The following TMEM217 variants were observed in gnomAD, a reference collection of about 807,000 sequenced individuals.
TMEM217 encodes the protein transmembrane protein 217.
For synonymous variants in TMEM217, 76 were observed against 88.3 expected (o/e 0.86, Z 0.78); for missense variants, 204 against 248.8 (o/e 0.82, Z 1.21).
downstream of TMEM217, among the ~76,000 whole-genome samples, chr6:37,213,531 CA>C (rs1340329717): frequency 6.6e-6 from 1 of 152,236 alleles, no homozygotes; most frequent in Non-Finnish European, 1.5e-5. Context: ...GTTTGGCCAG[CA>C]GGAATGGAAT....
At position 37,235,514 on chromosome 6, in the gene TMEM217, C is replaced by T. The variant is rs189981717; in HGVS notation, c.-11-16473G>A. ...CTGAGTAGCTGGGACTACAGGCACC[C>T]GCCACCACGCCTGGCTAATTTTTTC... is the stretch of plus-strand genomic sequence containing the variant. On this transcript the variant is annotated intron_variant, in intron 1 of 1. Coordinates refer to ENST00000357219, the Ensembl canonical transcript of TMEM217. Among the ~76,000 whole-genome samples the T allele has an allele frequency of 2.1e-3, 316 of 152,176 alleles. 2 individuals are homozygous for T. Among genetic ancestry groups the T allele is most frequent in the African/African-American group, 6.1e-3 (255 of 41,514 alleles).
chr6:37,218,189 G>C, exon 2 of TMEM217: 2 of 1,194,510 alleles, frequency 1.7e-6, no homozygotes, highest in Non-Finnish European at 2.1e-6. Context: ...TTTTTTTGGG[G>C]GACAGAGTCT....
Position 37,237,088 on chromosome 6 carries a change from C to T in TMEM217, c.-11-18047G>A, listed in dbSNP as rs147184064. Among the ~76,000 whole-genome samples the T allele has an allele frequency of 2.6e-5, 4 of 152,326 alleles. No homozygotes were observed. In the East Asian group the frequency reaches 7.7e-4, roughly 29 times the overall value. On this transcript the variant is annotated intron_variant, in intron 1 of 1. Coordinates refer to ENST00000357219, the Ensembl canonical transcript of TMEM217. ...TCTAGCCTCAGAAGTCCCATAGCAA[C>T]ACGTTTCCTGGACACTATTCTTTAG...
At chr6:37,232,424 C>T (rs9462287) in intron 1 of TMEM217, among the ~76,000 whole-genome samples, 1 of 152,122 alleles carries the variant, frequency 6.6e-6, no homozygotes, top group Non-Finnish European at 1.5e-5. Context: ...CTCGCTCTGT[C>T]GCCCAGGCTG....
intron 1 of TMEM217, among the ~76,000 whole-genome samples, chr6:37,243,273 G>C (rs1011788908): frequency 6.6e-6 from 1 of 152,136 alleles, no homozygotes; most frequent in Non-Finnish European, 1.5e-5. Flanking sequence ...TATAAATTCG[G>C]TTGGCCAGAA....
At chr6:37,221,462 C>T (rs1368423203) in intron 1 of TMEM217, among the ~76,000 whole-genome samples, 1 of 152,194 alleles carries the variant, frequency 6.6e-6, no homozygotes, top group Non-Finnish European at 1.5e-5. Flanking sequence ...GCTGGGATTA[C>T]AGGGGTGAGC....
exon 2 of TMEM217, chr6:37,218,342 A>AC (rs1554169362): frequency 8.0e-7 from 1 of 1,250,986 alleles, no homozygotes; most frequent in Non-Finnish European, 1.1e-6. Flanking sequence ...CTAATTTTCT[A>AC]TTTTTTTTAG....
chr6:37,229,352 T>TGTTTTG (rs1764057111), intron 1 of TMEM217, among the ~76,000 whole-genome samples: 1 of 137,018 alleles, frequency 7.3e-6, no homozygotes, highest in Non-Finnish European at 1.6e-5. Flanking sequence ...TTTTTTTTTT[T>TGTTTTG]TTTTTTTTGA....
intron 1 of TMEM217, among the ~76,000 whole-genome samples, chr6:37,222,370 G>C (rs531642779): frequency 2.9e-3 from 436 of 152,352 alleles, no homozygotes; most frequent in Non-Finnish European, 3.8e-3. Flanking sequence ...ACTGGTGCCG[G>C]GATTGGAGAG....
chr6:37,240,908 CTAG>C (rs1764734258), intron 1 of TMEM217, among the ~76,000 whole-genome samples: 1 of 151,954 alleles, frequency 6.6e-6, no homozygotes, highest in African/African-American at 2.4e-5. Flanking sequence ...TTCATTTAAC[CTAG>C]TAGTAGGTGA....
At chr6:37,218,386 A>G in exon 2 of TMEM217, 1 of 1,471,934 alleles carries the variant, frequency 6.8e-7, no homozygotes. Flanking sequence ...TGCCAAGGCC[A>G]GGCTGGTCTT....
chr6:37,216,771 T>C (rs915092193), downstream of TMEM217, among the ~76,000 whole-genome samples: 1 of 152,138 alleles, frequency 6.6e-6, no homozygotes, highest in Non-Finnish European at 1.5e-5. Flanking sequence ...GATTGAATCA[T>C]AGGGGCAGAG....
At chr6:37,231,743 ATATAT>A (rs942553449) in intron 1 of TMEM217, among the ~76,000 whole-genome samples, 16 of 147,466 alleles carry the variant, frequency 1.1e-4, no homozygotes, top group African/African-American at 3.9e-4. Flanking sequence ...TATATATTAT[ATATAT>A]TATGTTATTA....
chr6:37,236,788 T>G (rs138801295), intron 1 of TMEM217, among the ~76,000 whole-genome samples: 16 of 152,334 alleles, frequency 1.1e-4, no homozygotes, highest in South Asian at 4.1e-4. Context: ...ACAGTTAGCT[T>G]AATTTTGTAC....
At chr6:37,244,701 A>G (rs1764962451) in intron 1 of TMEM217, among the ~76,000 whole-genome samples, 1 of 152,202 alleles carries the variant, frequency 6.6e-6, no homozygotes. Flanking sequence ...AACAACCATA[A>G]AACCACAATG....
At chr6:37,256,242 TG>T (rs1354263198) in intron 1 of TMEM217, among the ~76,000 whole-genome samples, 2 of 152,230 alleles carry the variant, frequency 1.3e-5, no homozygotes, top group Non-Finnish European at 2.9e-5. Flanking sequence ...TCTGAACTGC[TG>T]GTTGCCACCA....
intron 1 of TMEM217, among the ~76,000 whole-genome samples, chr6:37,243,845 G>A (rs1263242567): frequency 6.6e-6 from 1 of 152,198 alleles, no homozygotes; most frequent in Non-Finnish European, 1.5e-5. Flanking sequence ...TCATAAGGAT[G>A]TGGAAAACTC....
At chr6:37,236,551 G>A (rs1368090189) in intron 1 of TMEM217, among the ~76,000 whole-genome samples, 6 of 152,144 alleles carry the variant, frequency 3.9e-5, no homozygotes, top group South Asian at 2.1e-4. Flanking sequence ...GTTGAGATCC[G>A]CAAATTTGCA....
At chr6:37,230,317 C>G (rs1438002200) in intron 1 of TMEM217, among the ~76,000 whole-genome samples, 2 of 152,218 alleles carry the variant, frequency 1.3e-5, no homozygotes, top group Admixed American at 6.5e-5. Flanking sequence ...TGCAAAGTCC[C>G]TTTTGCGTAC....
Sources: allele counts gnomAD v4.1 joint callset (sites outside exome capture counted in the v4.1 genomes callset), GRCh38; gene constraint gnomAD v4.1.1; transcripts MANE v1.5; gene names NCBI Gene and HGNC (gene_info 2026-07-23, HGNC 2026-07-21).